The following ULK2 variants were observed in gnomAD, a reference collection of about 807,000 sequenced individuals.
The protein encoded by ULK2 is serine/threonine-protein kinase ULK2.
A neutral mutation model predicts 127.5 loss-of-function variants in ULK2; 76 were observed. That is an observed-to-expected ratio of 0.60 (90% CI 0.50 to 0.72). The LOEUF (loss-of-function observed/expected upper bound fraction) is 0.72. Among genes scored for constraint, ULK2 ranks in the 30% least tolerant of loss-of-function variants. The probability of loss-of-function intolerance (pLI) is 0.00; values close to 1 mark genes in which losing one functional copy is unlikely to be tolerated. For synonymous variants in ULK2, 452 were observed against 461.9 expected, an observed-to-expected ratio of 0.98 and a Z score of 0.28; for missense variants, 1,144 against 1,295.9, an observed-to-expected ratio of 0.88 and a Z score of 1.80.
At chr17:19,856,977 CAAAAAAAAAAAAAAA>C (rs1157706276) in intron 3 of ULK2, among the ~76,000 whole-genome samples, 120 of 21,328 alleles carry the variant, frequency 5.6e-3, no homozygotes, top group East Asian at 0.022. Context: ...ACTCCATCTC[CAAAAAAAAAAAAAAA>C]AAAAAAAAAA....
At chr17:19,805,342 T>C (rs1294514411) in intron 14 of ULK2, among the ~76,000 whole-genome samples, 8 of 152,278 alleles carry the variant, frequency 5.3e-5, no homozygotes, top group African/African-American at 1.9e-4. Context: ...CATTTTGTAG[T>C]GTCAGTATTT....
Position 19,785,986 on chromosome 17 carries a change from C to A in ULK2, c.2202G>T (p.Ala734=). ...LFTVGSPPHS[A]AAPTCTHMFL... is the part of the protein sequence containing the mutation. ...ACATGTGGGTACAAGTGGGGGCTGC[C>A]GCACTGTGTGGAGGAGACCCTACAG... Residue 734 remains alanine, a synonymous_variant, in exon 21 of 27, where the codon GCG becomes GCT. Coordinates refer to ENST00000395544, the MANE Select transcript of ULK2 (RefSeq NM_014683.4). 4 of 1,595,494 alleles carry A rather than the reference C, an allele frequency of 2.5e-6. No homozygotes were observed. The highest frequency in any genetic ancestry group is 3.4e-6 in the Non-Finnish European group (4 of 1,172,794).
At chr17:19,778,919 T>C (rs1256275315) in intron 25 of ULK2, among the ~76,000 whole-genome samples, 2 of 152,232 alleles carry the variant, frequency 1.3e-5, no homozygotes, top group African/African-American at 2.4e-5. Context: ...TTATAAGTTA[T>C]AGGGCTCTTT....
In ULK2 at chr17:19,845,274, A is replaced by G. The variant is rs747950624; in HGVS notation, c.543+30T>C. The G allele has an allele frequency of 5.0e-6, 8 of 1,588,996 alleles. No individual in the cohort carries two copies. In the Admixed American group the frequency reaches 1.3e-4, roughly 27 times the overall value. ...TCCAATGATTATGGAGCCATGCTTT[A>G]AACACACAAGGATGCAAACACTCAC... On this transcript the variant is annotated intron_variant, in intron 7 of 26. Coordinates refer to ENST00000395544, the MANE Select transcript of ULK2 (RefSeq NM_014683.4).
At chr17:19,829,411 C>A (rs2041374948) in intron 10 of ULK2, among the ~76,000 whole-genome samples, 1 of 151,830 alleles carries the variant, frequency 6.6e-6, no homozygotes, top group Admixed American at 6.6e-5. Context: ...TAGCTTTGCA[C>A]CTGTAGTCCC....
chr17:19,857,990 C>CAGTCT (rs1230319995), intron 3 of ULK2, among the ~76,000 whole-genome samples: 1 of 152,118 alleles, frequency 6.6e-6, no homozygotes, highest in Middle Eastern at 3.2e-3. Flanking sequence ...ACCCATCCCT[C>CAGTCT]AGTCTCTACA....
At chr17:19,829,874 G>C (rs1351119911) in intron 10 of ULK2, among the ~76,000 whole-genome samples, 2 of 144,924 alleles carry the variant, frequency 1.4e-5, no homozygotes, top group Non-Finnish European at 3.0e-5. Flanking sequence ...AATAATGATA[G>C]AAGGGTCAAT....
rs939290667 is a variant in ULK2 at position 19,773,837 on chromosome 17, G to A, written c.*2512C>T. 5.3e-5 allele frequency: 8 copies of A among 152,228 alleles called. No individual in the cohort carries two copies. The highest frequency in any genetic ancestry group is 3.9e-4 in the Admixed American group (6 of 15,276). 9.4% of individuals were successfully genotyped at this position (152,228 alleles called of 1,614,324 possible). On this transcript the variant is annotated 3_prime_UTR_variant, in exon 27 of 27. Transcript: ENST00000395544. The stretch of plus-strand genomic sequence containing the variant: ...TCAATTTCCTCTTAATTACTGTGGA[G>A]ACTGAGGCAGCCCGACCCTAACAGT...
chr17:19,776,463 T>C (rs1271926227), intron 26 of ULK2, 56 bp from the exon 27 acceptor site: 3 of 1,433,270 alleles, frequency 2.1e-6, no homozygotes, highest in East Asian at 5.0e-5. Context: ...TATATTGTCA[T>C]CTCTATTCTA....
At position 19,865,514 on chromosome 17, in the gene ULK2, G is replaced by C. The variant is rs564725476; in HGVS notation, c.183+222C>G. Among the ~76,000 whole-genome samples, 100 of 152,268 alleles carry C rather than the reference G, an allele frequency of 6.6e-4. 1 individual carries two copies. The highest frequency in any genetic ancestry group is 2.4e-3 in the African/African-American group (99 of 41,556). On this transcript the variant is annotated intron_variant, in intron 2 of 26. Transcript: ENST00000395544. The stretch of plus-strand genomic sequence containing the variant: ...AGTCACTAGGAAAAAGAGAAATGAT[G>C]AGAAGCTAAACTCAGTCTTCACAGA...
intron 3 of ULK2, among the ~76,000 whole-genome samples, chr17:19,857,670 T>A (rs1420532388): frequency 6.6e-6 from 1 of 152,190 alleles, no homozygotes; most frequent in Non-Finnish European, 1.5e-5. Context: ...TGAAAGTACT[T>A]ATCTCATGCT....
At chr17:19,783,182 A>C (rs924834134) in intron 22 of ULK2, among the ~76,000 whole-genome samples, 7 of 151,906 alleles carry the variant, frequency 4.6e-5, no homozygotes, top group African/African-American at 1.7e-4. Context: ...AATGTACTAG[A>C]ATGCTCACGC....
At chr17:19,798,949 T>C (rs1343567456) in intron 17 of ULK2, among the ~76,000 whole-genome samples, 15 of 151,710 alleles carry the variant, frequency 9.9e-5, no homozygotes, top group Non-Finnish European at 1.5e-5. Flanking sequence ...TATCACAGGG[T>C]CAGGAGTTCG....
At chr17:19,782,335 A>G (rs1248808368) in intron 22 of ULK2, among the ~76,000 whole-genome samples, 2 of 152,228 alleles carry the variant, frequency 1.3e-5, no homozygotes, top group African/African-American at 4.8e-5. Flanking sequence ...TTTTACCAGA[A>G]AAAGAAAAGA....
intron 16 of ULK2, among the ~76,000 whole-genome samples, chr17:19,800,342 GT>G (rs377607478): frequency 2.0e-5 from 3 of 152,182 alleles, no homozygotes; most frequent in African/African-American, 7.2e-5. Flanking sequence ...GCTTCAGGCA[GT>G]TTAAGCAGAT....
At chr17:19,850,036 T>A (rs1469462086) in intron 3 of ULK2, among the ~76,000 whole-genome samples, 1 of 152,228 alleles carries the variant, frequency 6.6e-6, no homozygotes, top group African/African-American at 2.4e-5. Context: ...AAGATTCATC[T>A]TTTGGTTATG....
At position 19,867,502 on chromosome 17, in the gene ULK2, CGCGCCAGCG is replaced by C. The variant is rs2042380976; in HGVS notation, c.-94_-86del. Reference sequence around the variant, plus strand: ...GCACCGCGGCTCCGCGGGCCCGGAGCGCGCCAGCGTGCGGCGGGTCTGGGGCAGCCGCAG... The same window carrying C: ...GCACCGCGGCTCCGCGGGCCCGGAGCTGCGGCGGGTCTGGGGCAGCCGCAG... On this transcript the variant is annotated 5_prime_UTR_variant, in exon 1 of 27. Coordinates refer to ENST00000395544, the MANE Select transcript of ULK2 (RefSeq NM_014683.4). 1 of 1,074,448 alleles carries C rather than the reference CGCGCCAGCG, an allele frequency of 9.3e-7. No individual in the cohort carries two copies. The highest frequency in any genetic ancestry group is 1.2e-6 in the Non-Finnish European group (1 of 811,910). The allele number at this position is 1,074,448 out of a possible 1,614,324, so 66.6% of individuals were successfully genotyped here. A position where few individuals can be genotyped will look rare whatever the true frequency, so the allele number is the denominator to read the frequency against.
chr17:19,806,913 T>C (rs1041334067), intron 14 of ULK2, among the ~76,000 whole-genome samples: 1 of 152,170 alleles, frequency 6.6e-6, no homozygotes, highest in African/African-American at 2.4e-5. Flanking sequence ...AAAGCACAAA[T>C]GCAAATGGAC....
rs1351418448 is a variant in ULK2, at chr17:19,784,598, ACT to A, written c.2252-695_2252-694del. 2.3e-5 allele frequency among the ~76,000 whole-genome samples: 3 copies of A among 128,684 alleles called. No homozygotes were observed. The East Asian group carries it at 6.9e-4, about 29-fold the overall frequency. The allele number at this position is 128,684 out of a possible 152,430, so 84.4% of individuals were successfully genotyped here. ...AATTGCAGTGGCGTGATCACAGCTCACTGCAGCCTTGATTTTCTGGGCTCAGG... is the reference window on the plus strand; with the variant it reads ...AATTGCAGTGGCGTGATCACAGCTCAGCAGCCTTGATTTTCTGGGCTCAGG... On this transcript the variant is annotated intron_variant, in intron 21 of 26. Coordinates refer to ENST00000395544, the MANE Select transcript of ULK2 (RefSeq NM_014683.4).
Sources: allele counts gnomAD v4.1 joint callset (sites outside exome capture counted in the v4.1 genomes callset), GRCh38; gene constraint gnomAD v4.1.1; transcripts MANE v1.5; gene names NCBI Gene and HGNC (gene_info 2026-07-23, HGNC 2026-07-21).